Variants in ATP13A4 observed in about 807,000 individuals in gnomAD.
The protein encoded by ATP13A4 is probable cation-transporting ATPase 13A4.
A neutral mutation model predicts 142.5 loss-of-function variants in ATP13A4; 114 were observed. The observed-to-expected ratio is 0.80, with a 90% CI of 0.69 to 0.93. ATP13A4 has a LOEUF of 0.93. ATP13A4 is among the 40% of genes least tolerant of loss of function. The probability of loss-of-function intolerance (pLI) is 0.00; values close to 1 mark genes in which losing one functional copy is unlikely to be tolerated. For synonymous variants in ATP13A4, 488 were observed against 514.8 expected, an observed-to-expected ratio of 0.95 and a Z score of 0.70; for missense variants, 1,392 against 1,454.0, an observed-to-expected ratio of 0.96 and a Z score of 0.69.
intron 25 of ATP13A4, among the ~76,000 whole-genome samples, chr3:193,423,573 T>C (rs1388961242): frequency 6.7e-6 from 1 of 149,622 alleles, no homozygotes; most frequent in Non-Finnish European, 1.5e-5. Context: ...ATCAATAGGA[T>C]GGACAAAAAC....
Position 193,548,461 on chromosome 3 carries a change from T to C in ATP13A4, c.60+6279A>G, listed in dbSNP as rs76019281. On this transcript the variant is annotated intron_variant, in intron 1 of 29. Coordinates refer to ENST00000342695, the MANE Select transcript of ATP13A4 (RefSeq NM_032279.4). ...AGATGAGTTGACTTCATGGGAGTTC[T>C]GCAGCAATGAATTGAGAATAAAGAC... is the stretch of plus-strand genomic sequence containing the variant. 4.0e-3 allele frequency among the ~76,000 whole-genome samples: 602 copies of C among 152,344 alleles called. 4 individuals are homozygous for C. The highest frequency in any genetic ancestry group is 0.014 in the African/African-American group (568 of 41,582).
At chr3:193,585,233 C>A (rs574470530) in intron 1 of ATP13A4, among the ~76,000 whole-genome samples, 1 of 150,992 alleles carries the variant, frequency 6.6e-6, no homozygotes, top group Non-Finnish European at 1.5e-5. Flanking sequence ...GACTGACCAA[C>A]ATGGTGAAAC....
At chr3:193,407,575 G>C (rs1315232378) in intron 28 of ATP13A4, among the ~76,000 whole-genome samples, 182 bp from the exon 29 acceptor site, 1 of 152,062 alleles carries the variant, frequency 6.6e-6, no homozygotes, top group Non-Finnish European at 1.5e-5. Context: ...AAAAAGTACG[G>C]AAAGGTTATA....
upstream of ATP13A4, among the ~76,000 whole-genome samples, chr3:193,556,785 T>C (rs1723905228): frequency 6.6e-6 from 1 of 152,086 alleles, no homozygotes. Context: ...CATACCTCAA[T>C]AAAAAATTAT....
At chr3:193,585,348 G>A (rs959008227) in intron 1 of ATP13A4, among the ~76,000 whole-genome samples, 1 of 152,024 alleles carries the variant, frequency 6.6e-6, no homozygotes, top group Admixed American at 6.6e-5. Flanking sequence ...TGAACCCAGG[G>A]GGCAGAGGCT....
At chr3:193,588,166 T>C (rs912690402) in intron 1 of ATP13A4, among the ~76,000 whole-genome samples, 6 of 152,134 alleles carry the variant, frequency 3.9e-5, no homozygotes, top group African/African-American at 1.4e-4. Context: ...TATAAAATAA[T>C]GTGGATTTAA....
At chr3:193,562,938 T>A (rs971006063) in intron 2 of ATP13A4, among the ~76,000 whole-genome samples, 12 of 152,166 alleles carry the variant, frequency 7.9e-5, no homozygotes. Context: ...GTGACAGCCA[T>A]GAAAAATTTG....
At chr3:193,576,189 C>T (rs555941687) in intron 2 of ATP13A4, among the ~76,000 whole-genome samples, 8 of 142,724 alleles carry the variant, frequency 5.6e-5, no homozygotes, top group African/African-American at 2.1e-4. Flanking sequence ...GCAGAATGTA[C>T]AGGAATCTTG....
At position 193,466,173 on chromosome 3, in the gene ATP13A4, G is replaced by A; in HGVS notation, c.1124C>T (p.Thr375Ile). ...GGATCTCACAAGGTCTCCCTTTGCAGTGTTGAATCCTGGAACAACAAACAC... is the reference window on the plus strand; with the variant it reads ...GGATCTCACAAGGTCTCCCTTTGCAATGTTGAATCCTGGAACAACAAACAC... ...RAVVLQTGFN[T>I]AKGDLVRSIL... Residue 375 changes from threonine (T) to isoleucine (I), a missense_variant, in exon 11 of 30, where the codon ACT (threonine) becomes ATT (isoleucine). Transcript: ENST00000342695. 6.2e-7 allele frequency: 1 copy of A among 1,613,914 alleles called. No homozygotes were observed. The highest frequency in any genetic ancestry group is 8.5e-7 in the Non-Finnish European group (1 of 1,179,878).
intron 22 of ATP13A4, among the ~76,000 whole-genome samples, 163 bp downstream of exon 22, chr3:193,438,860 C>T (rs900992074): frequency 1.3e-5 from 2 of 152,146 alleles, no homozygotes; most frequent in Non-Finnish European, 2.9e-5. Context: ...AACAGTTTAT[C>T]CGTCAAGAGG....
intron 29 of ATP13A4, among the ~76,000 whole-genome samples, chr3:193,406,602 A>G (rs1460618169): frequency 6.6e-6 from 1 of 152,228 alleles, no homozygotes; most frequent in Non-Finnish European, 1.5e-5. Context: ...TCACTGAGGA[A>G]ATGGAGCACA....
Position 193,432,260 on chromosome 3 carries a change from TA to T in ATP13A4, c.2842+1584del, listed in dbSNP as rs150287578. On this transcript the variant is annotated intron_variant, in intron 25 of 29. Transcript: ENST00000342695. ...CCAAAATCCAGAACACTAACAATAC[TA>T]AATGCTGGTGAGTATGTGAAGCAAC... Among the ~76,000 whole-genome samples, 908 of 151,136 alleles carry T rather than the reference TA, an allele frequency of 6.0e-3. 10 individuals carry two copies. The highest frequency in any genetic ancestry group is 0.022 in the African/African-American group (877 of 40,544).
At chr3:193,477,656 G>C (rs1464417452) in intron 8 of ATP13A4, among the ~76,000 whole-genome samples, 2 of 152,078 alleles carry the variant, frequency 1.3e-5, no homozygotes, top group Non-Finnish European at 2.9e-5. Context: ...CACGCTTACT[G>C]TCTTTAAAGA....
intron 25 of ATP13A4, among the ~76,000 whole-genome samples, chr3:193,415,549 C>T (rs536510357): frequency 2.0e-4 from 31 of 152,294 alleles, no homozygotes; most frequent in African/African-American, 6.7e-4. Flanking sequence ...CAGAGGGAGA[C>T]CCTGGTCCCT....
At chr3:193,549,200 T>C (rs1723398445) in intron 1 of ATP13A4, among the ~76,000 whole-genome samples, 1 of 152,096 alleles carries the variant, frequency 6.6e-6, no homozygotes, top group African/African-American at 2.4e-5. Flanking sequence ...AAATTTAAAA[T>C]GCATGTCCCC....
At chr3:193,569,555 T>C (rs1479094877) in intron 2 of ATP13A4, among the ~76,000 whole-genome samples, 2 of 152,188 alleles carry the variant, frequency 1.3e-5, no homozygotes, top group African/African-American at 4.8e-5. Flanking sequence ...TTTTTGTTTT[T>C]TGTTTTGAGA....
intron 1 of ATP13A4, among the ~76,000 whole-genome samples, chr3:193,549,675 C>G (rs1723434755): frequency 6.6e-6 from 1 of 151,944 alleles, no homozygotes; most frequent in Non-Finnish European, 1.5e-5. Context: ...ACATAAAATA[C>G]TGGAAAATTA....
rs1721346621 is a variant in ATP13A4 at position 193,515,294 on chromosome 3, G to A, written c.61-423C>T. On this transcript the variant is annotated intron_variant, in intron 1 of 29. Coordinates refer to ENST00000342695, the MANE Select transcript of ATP13A4 (RefSeq NM_032279.4). Reference sequence around the variant, plus strand: ...GTGCCCAAGGCCGCACAGCTAGAATGTCCCACTGCTAAGATTCCAATCCAG... The same window carrying A: ...GTGCCCAAGGCCGCACAGCTAGAATATCCCACTGCTAAGATTCCAATCCAG... Among the ~76,000 whole-genome samples the A allele has an allele frequency of 2.0e-5, 3 of 152,184 alleles. No individual in the cohort carries two copies. The South Asian group carries it at 6.2e-4, about 32-fold the overall frequency.
intron 1 of ATP13A4, among the ~76,000 whole-genome samples, chr3:193,584,146 G>A (rs1054046952): frequency 3.3e-5 from 5 of 152,222 alleles, no homozygotes; most frequent in Admixed American, 1.3e-4. Flanking sequence ...GGGTAATTAA[G>A]TTTGCTGACC....
Sources: gnomAD v4.1 joint callset for allele counts (sites outside exome capture counted in the v4.1 genomes callset) on GRCh38, gnomAD v4.1.1 for gene constraint, MANE v1.5 for transcripts, NCBI Gene and HGNC (gene_info 2026-07-23, HGNC 2026-07-21) for gene names.